The following CPA3 variants were observed in gnomAD, a reference collection of about 807,000 sequenced individuals.
The protein encoded by CPA3 is mast cell carboxypeptidase A.
In CPA3, 52 loss-of-function variants were observed where a neutral mutation model predicts 55.8. The observed-to-expected ratio is 0.93, with a 90% CI of 0.75 to 1.17. CPA3 has a LOEUF of 1.17. Ranked by LOEUF, CPA3 falls within the 50% of genes most tolerant of loss-of-function variation. The pLI is 0.00. For synonymous variants in CPA3, 179 were observed against 171.2 expected, an observed-to-expected ratio of 1.05 and a Z score of -0.36; for missense variants, 547 against 509.1, an observed-to-expected ratio of 1.07 and a Z score of -0.72.
At position 148,866,591 on chromosome 3, in the gene CPA3, G is replaced by C. The variant is rs557370456; in HGVS notation, c.144+1043G>C. Reference sequence around the variant, plus strand: ...ACATTCAAATCCAAGCTCTACGCTAGCTCTGTAGCCTTAGGCAACTTACTC... The same window carrying C: ...ACATTCAAATCCAAGCTCTACGCTACCTCTGTAGCCTTAGGCAACTTACTC... On this transcript the variant is annotated intron_variant, in intron 2 of 10. Transcript: ENST00000296046. Among the ~76,000 whole-genome samples the C allele has an allele frequency of 7.6e-4, 116 of 152,312 alleles. 1 individual carries two copies. The highest frequency in any genetic ancestry group is 5.8e-3 in the South Asian group (28 of 4,828).
chr3:148,871,656 G>A (rs1392797029), intron 3 of CPA3, among the ~76,000 whole-genome samples: 6 of 152,152 alleles, frequency 3.9e-5, no homozygotes, highest in African/African-American at 1.2e-4. Flanking sequence ...TTATGACAAA[G>A]GAGTTTCTTG....
chr3:148,872,367 T>C (rs942059757), intron 3 of CPA3, among the ~76,000 whole-genome samples: 3 of 152,198 alleles, frequency 2.0e-5, no homozygotes, highest in Admixed American at 6.5e-5. Context: ...ATTTTTAACA[T>C]TGTCTTTTCT....
intron 9 of CPA3, among the ~76,000 whole-genome samples, chr3:148,885,706 G>A (rs527521054): frequency 8.6e-5 from 13 of 151,904 alleles, no homozygotes; most frequent in South Asian, 2.1e-4. Flanking sequence ...CACCGTGCCC[G>A]GCCAAGTCTT....
chr3:148,873,777 T>G (rs1714135011), intron 3 of CPA3, among the ~76,000 whole-genome samples: 1 of 152,120 alleles, frequency 6.6e-6, no homozygotes, highest in African/African-American at 2.4e-5. Flanking sequence ...GGCCAAACCT[T>G]CATAAAAACA....
chr3:148,873,025 T>TACAC (rs10536988), intron 3 of CPA3, among the ~76,000 whole-genome samples: 5,459 of 103,766 alleles, frequency 0.053, 326 homozygotes, highest in African/African-American at 0.15. Context: ...CTTCTATGAA[T>TACAC]ACACACACAC....
intron 10 of CPA3, among the ~76,000 whole-genome samples, chr3:148,896,318 G>A (rs1009861903): frequency 2.0e-5 from 3 of 152,048 alleles, no homozygotes; most frequent in Non-Finnish European, 2.9e-5. Context: ...TTTTTTAAAC[G>A]CAGCACACAC....
chr3:148,882,649 C>A (rs1714403777), intron 8 of CPA3, 54 bp downstream of exon 8: 1 of 1,392,530 alleles, frequency 7.2e-7, no homozygotes. Flanking sequence ...ATTTAGGTCC[C>A]AAACTTAACT....
At chr3:148,881,434 G>T in intron 6 of CPA3, 88 bp from the exon 7 acceptor site, 1 of 703,124 alleles carries the variant, frequency 1.4e-6, no homozygotes, top group East Asian at 2.7e-5. Context: ...CTTGGGAAGT[G>T]ACTCAAGTTA....
chr3:148,891,509 CACAT>C (rs1229993003), intron 10 of CPA3, among the ~76,000 whole-genome samples: 130 of 122,670 alleles, frequency 1.1e-3, no homozygotes, highest in African/African-American at 3.0e-3. Flanking sequence ...CACACACACA[CACAT>C]ACACACACAC....
chr3:148,876,229 C>T (rs1231434153), intron 3 of CPA3, among the ~76,000 whole-genome samples: 1 of 150,938 alleles, frequency 6.6e-6, no homozygotes, highest in Admixed American at 6.6e-5. Context: ...AATAGATGAT[C>T]AAAATACTTA....
chr3:148,865,551 A>T lies in CPA3; in HGVS notation c.144+3A>T, dbSNP rs780216618. ...AGGACTTGGCCAAAACCAATGAGGT[A>T]AGCATTTAGAGGGATATTTTATCTT... On this transcript the variant is annotated splice_donor_region_variant and intron_variant, in intron 2 of 10. Coordinates refer to ENST00000296046, the MANE Select transcript of CPA3 (RefSeq NM_001870.4). 1.3e-5 allele frequency: 21 copies of T among 1,612,310 alleles called. No individual in the cohort carries two copies. The highest frequency in any genetic ancestry group is 1.6e-5 in the Non-Finnish European group (19 of 1,178,584).
chr3:148,896,917 C>A lies in CPA3; in HGVS notation c.*210C>A. ...TAAGTGAAACCTTTTAACTACCTTT[C>A]TTTGCTCCAAGTGAAGTTTGGACCC... On this transcript the variant is annotated 3_prime_UTR_variant, in exon 11 of 11. Coordinates refer to ENST00000296046, the MANE Select transcript of CPA3 (RefSeq NM_001870.4). 2.6e-6 allele frequency: 1 copy of A among 390,404 alleles called. No homozygotes were observed. The highest frequency in any genetic ancestry group is 1.0e-4 in the South Asian group (1 of 9,950). The allele number at this position is 390,404 out of a possible 1,614,324, so 24.2% of individuals were successfully genotyped here.
At chr3:148,875,202 AG>A (rs781722972) in intron 3 of CPA3, among the ~76,000 whole-genome samples, 15 of 152,226 alleles carry the variant, frequency 9.9e-5, no homozygotes, top group Non-Finnish European at 1.8e-4. Context: ...GTTAAAAAAT[AG>A]ACTTCTTCCT....
At position 148,881,516 on chromosome 3, in the gene CPA3, C is replaced by G. The variant is rs373390200; in HGVS notation, c.577-6C>G. ...CAATAGCTTAATTTTTTTTCACCTC[C>G]GACAGGCAACCAAAACTTATGGGAG... On this transcript the variant is annotated splice_polypyrimidine_tract_variant and splice_region_variant and intron_variant, in intron 6 of 10. Transcript: ENST00000296046. 3 of 1,597,464 alleles carry G rather than the reference C, an allele frequency of 1.9e-6. No individual in the cohort carries two copies. The highest frequency in any genetic ancestry group is 2.6e-6 in the Non-Finnish European group (3 of 1,166,986).
At chr3:148,870,934 T>A (rs1714047740) in intron 3 of CPA3, among the ~76,000 whole-genome samples, 1 of 152,202 alleles carries the variant, frequency 6.6e-6, no homozygotes, top group African/African-American at 2.4e-5. Flanking sequence ...AGTCTCGCTC[T>A]GTCACCCAGA....
intron 1 of CPA3, 49 bp downstream of exon 1, chr3:148,865,424 G>A: frequency 6.2e-7 from 1 of 1,613,304 alleles, no homozygotes; most frequent in South Asian, 1.1e-5. Context: ...GAGAATTAAA[G>A]GTTGTTTCCT....
chr3:148,876,189 CA>C (rs1465525334), intron 3 of CPA3, among the ~76,000 whole-genome samples: 2 of 128,318 alleles, frequency 1.6e-5, no homozygotes, highest in African/African-American at 5.4e-5. Flanking sequence ...GAAAAAAAGT[CA>C]AAAAACTGGT....
rs1218067738 is a variant in CPA3 at position 148,883,696 on chromosome 3, A to G, written c.862A>G (p.Asn288Asp). The change falls in exon 9 of 11, where the codon AAT (asparagine) becomes GAT (aspartate). Residue 288 changes from asparagine (N) to aspartate (D), a missense_variant. Physicochemically the swap from Asn to Asp is conservative, Grantham distance 23. Coordinates refer to ENST00000296046, the MANE Select transcript of CPA3 (RefSeq NM_001870.4). ...CGAGAAAGAGACGAAAGCTGTCACT[A>G]ATTTCATTAGAAGCCACCTGAATGA... ...ESEKETKAVT[N>D]FIRSHLNEIK... 6.2e-7 allele frequency: 1 copy of G among 1,614,048 alleles called. No individual in the cohort carries two copies. The highest frequency in any genetic ancestry group is 8.5e-7 in the Non-Finnish European group (1 of 1,179,944).
chr3:148,878,516 C>A lies in CPA3; in HGVS notation c.345C>A (p.Ser115Arg). The A allele has an allele frequency of 6.2e-7, 1 of 1,613,090 alleles. No individual in the cohort carries two copies. Among genetic ancestry groups the A allele is most frequent in the Admixed American group, 1.7e-5 (1 of 59,978 alleles). ...DVKEDIPGRH[S>R]YAKYNNWEKI... ...AAGAAGATATCCCAGGCAGGCACAG[C>A]TACGCAAAATACAATAATTGGGAAA... Residue 115 changes from serine (S) to arginine (R), a missense_variant, in exon 4 of 11, where the codon AGC becomes AGA. By Grantham distance (110) the Ser-to-Arg change is moderately radical. Coordinates refer to ENST00000296046, the MANE Select transcript of CPA3 (RefSeq NM_001870.4).
Sources: allele counts gnomAD v4.1 joint callset (sites outside exome capture counted in the v4.1 genomes callset), GRCh38; gene constraint gnomAD v4.1.1; transcripts MANE v1.5; gene names NCBI Gene and HGNC (gene_info 2026-07-23, HGNC 2026-07-21).